Variants in ARMH1 observed in about 807,000 individuals in gnomAD.
The protein encoded by ARMH1 is armadillo-like helical domain containing protein 1.
Under a neutral mutation model 50.2 loss-of-function variants are expected in ARMH1, and 34 were observed. The observed-to-expected ratio is 0.68, with a 90% CI of 0.51 to 0.90. ARMH1 has a LOEUF of 0.90. ARMH1 is among the 40% of genes least tolerant of loss of function. The pLI is 0.00. For missense variants in ARMH1, 538 were observed against 553.9 expected (o/e 0.97, Z 0.29); for synonymous variants, 221 against 224.2 (o/e 0.99, Z 0.13).
intron 1 of ARMH1, among the ~76,000 whole-genome samples, chr1:44,679,711 G>C (rs1462616091): frequency 1.3e-5 from 2 of 152,244 alleles, no homozygotes; most frequent in Non-Finnish European, 2.9e-5. Flanking sequence ...TGGAGATTCT[G>C]CCACTCCGCA....
chr1:44,721,875 T>TC (rs1389862629), intron 6 of ARMH1: 1 of 152,236 alleles, frequency 6.6e-6, no homozygotes, highest in Non-Finnish European at 1.5e-5. Context: ...GCGAAAGATT[T>TC]ATTCGTTATG....
intron 2 of ARMH1, among the ~76,000 whole-genome samples, chr1:44,696,798 C>T (rs1201967722): frequency 6.6e-6 from 1 of 152,166 alleles, no homozygotes; most frequent in Admixed American, 6.5e-5. Flanking sequence ...ATATTGACCC[C>T]CAGCCTTCTC....
chr1:44,712,038 T>C (rs1646634583), intron 6 of ARMH1, among the ~76,000 whole-genome samples: 1 of 152,210 alleles, frequency 6.6e-6, no homozygotes, highest in African/African-American at 2.4e-5. Flanking sequence ...CACACTATTC[T>C]TTCTTCAGTA....
rs967358245 is a variant in ARMH1 at position 44,724,452 on chromosome 1, C to T, written c.920+60C>T. 1 of 1,528,958 alleles carries T rather than the reference C, an allele frequency of 6.5e-7. No individual in the cohort carries two copies. The highest frequency in any genetic ancestry group is 2.5e-5 in the East Asian group (1 of 40,546). 94.7% of individuals were successfully genotyped at this position (1,528,958 alleles called of 1,614,324 possible). A position where few individuals can be genotyped will look rare whatever the true frequency, so the allele number is the denominator to read the frequency against. ...AGCCTGGCTTGGCGCTGCCGGCGGG[C>T]CCCGGGAGCGCTCCGTGCGCCGGGT... On this transcript the variant is annotated intron_variant, in intron 8 of 11. Transcript: ENST00000535358. The surrounding 1 kb of genome is among the most constrained non-coding windows in gnomAD (Gnocchi z 6.4).
At chr1:44,694,992 G>C (rs1557528144) in intron 2 of ARMH1, among the ~76,000 whole-genome samples, 1 of 152,114 alleles carries the variant, frequency 6.6e-6, no homozygotes, top group Non-Finnish European at 1.5e-5. Flanking sequence ...AGTTAGAACC[G>C]GGTGTCTGTC....
intron 2 of ARMH1, among the ~76,000 whole-genome samples, chr1:44,690,226 CA>C: frequency 6.6e-6 from 1 of 152,014 alleles, no homozygotes; most frequent in South Asian, 2.1e-4. Flanking sequence ...TCAAAACAAA[CA>C]AACAAACAAA....
chr1:44,705,460 T>A (rs1435484219), intron 6 of ARMH1, among the ~76,000 whole-genome samples: 1 of 151,570 alleles, frequency 6.6e-6, no homozygotes, highest in African/African-American at 2.4e-5. Flanking sequence ...GCCACTGCAC[T>A]CCAGCCTGGG....
intron 1 of ARMH1, among the ~76,000 whole-genome samples, chr1:44,680,791 T>A (rs1645282908): frequency 1.3e-5 from 2 of 152,076 alleles, no homozygotes; most frequent in Admixed American, 1.3e-4. Context: ...CTCTGTGAAG[T>A]TGGAAGCAAA....
chr1:44,705,554 G>A (rs1646306139), intron 6 of ARMH1, among the ~76,000 whole-genome samples: 1 of 151,910 alleles, frequency 6.6e-6, no homozygotes, highest in South Asian at 2.1e-4. Context: ...ACAAACCCTG[G>A]TACATATTAG....
intron 6 of ARMH1, among the ~76,000 whole-genome samples, chr1:44,712,406 C>T (rs965546202): frequency 6.6e-6 from 1 of 151,864 alleles, no homozygotes; most frequent in African/African-American, 2.4e-5. Flanking sequence ...TGCAGTGAGC[C>T]GAGATCGTGC....
At chr1:44,721,513 T>A (rs74070585) in intron 6 of ARMH1, among the ~76,000 whole-genome samples, 5,311 of 149,116 alleles carry the variant, frequency 0.036, 299 homozygotes, top group African/African-American at 0.12. Context: ...GGTTTTCTTT[T>A]AAAAAAAAAA....
At chr1:44,702,434 C>A (rs186212235) in intron 5 of ARMH1, among the ~76,000 whole-genome samples, 3 of 152,162 alleles carry the variant, frequency 2.0e-5, no homozygotes, top group African/African-American at 7.2e-5. Flanking sequence ...AATGACAGGG[C>A]CGGGCGCAGT....
intron 1 of ARMH1, among the ~76,000 whole-genome samples, chr1:44,675,902 G>T (rs1300905476): frequency 6.6e-6 from 1 of 152,114 alleles, no homozygotes; most frequent in African/African-American, 2.4e-5. Flanking sequence ...AGAGGTGGCA[G>T]TGAGCCGAGA....
intron 6 of ARMH1, among the ~76,000 whole-genome samples, chr1:44,707,899 A>G (rs907631631): frequency 1.5e-4 from 23 of 152,234 alleles, no homozygotes; most frequent in African/African-American, 5.5e-4. Flanking sequence ...ATCATGTGAT[A>G]ACAATGAAAC....
At chr1:44,685,461 T>C (rs1448505514) in intron 1 of ARMH1, among the ~76,000 whole-genome samples, 3 of 151,566 alleles carry the variant, frequency 2.0e-5, no homozygotes, top group Non-Finnish European at 2.9e-5. Flanking sequence ...ACTACAAGTG[T>C]GTGTCACTAT....
At chr1:44,721,455 A>G (rs1194309458) in intron 6 of ARMH1, among the ~76,000 whole-genome samples, 1 of 152,108 alleles carries the variant, frequency 6.6e-6, no homozygotes, top group Non-Finnish European at 1.5e-5. Context: ...CACTAGAAAG[A>G]CTCACAAGAC....
chr1:44,704,168 A>G lies in ARMH1; in HGVS notation c.719A>G (p.Tyr240Cys), dbSNP rs1323889817. ...VLGTMHLEVQYEAIELIKDLV... is the reference protein window; with the variant it reads ...VLGTMHLEVQCEAIELIKDLV... ...GGCACGATGCACCTGGAAGTCCAGTATGAAGGTAGGGAGCCTCCAGATTGC... is the reference window on the plus strand; with the variant it reads ...GGCACGATGCACCTGGAAGTCCAGTGTGAAGGTAGGGAGCCTCCAGATTGC... Residue 240 changes from tyrosine to cysteine, a missense_variant, in exon 6 of 12, where the codon TAT (tyrosine) becomes TGT (cysteine). Transcript: ENST00000535358. 1.3e-6 allele frequency: 2 copies of G among 1,551,114 alleles called. No homozygotes were observed. The highest frequency in any genetic ancestry group is 2.4e-5 in the South Asian group (2 of 84,040).
At chr1:44,704,225 C>T (rs1041468685) in intron 6 of ARMH1, 52 bp downstream of exon 6, 1 of 1,331,152 alleles carries the variant, frequency 7.5e-7, no homozygotes. Flanking sequence ...GACATATCAG[C>T]TCTCAAAAGC....
rs1454355450 is a variant in ARMH1 at position 44,704,015 on chromosome 1, C to T, written c.640-74C>T. ...TGCTGGGATTACAGGCGTGAGCCAC[C>T]GCACCCGGCCGGGAATCCATCTTTA... On this transcript the variant is annotated intron_variant, in intron 5 of 11. Transcript: ENST00000535358. The T allele has an allele frequency of 8.4e-5, 108 of 1,285,116 alleles. No homozygotes were observed. The African/African-American group carries it at 1.2e-3, about 15-fold the overall frequency. 79.6% of individuals were successfully genotyped at this position (1,285,116 alleles called of 1,614,324 possible).
Sources: gnomAD v4.1 joint callset for allele counts (sites outside exome capture counted in the v4.1 genomes callset) on GRCh38, gnomAD v4.1.1 for gene constraint, Gnocchi (gnomAD v3.1) non-coding constraint, MANE v1.5 for transcripts, NCBI Gene and HGNC (gene_info 2026-07-23, HGNC 2026-07-21) for gene names.